Variants in FNDC3B observed in about 807,000 individuals in gnomAD.
The protein encoded by FNDC3B is fibronectin type III domain containing 3B.
FNDC3B carries 12 observed loss-of-function variants against 151.5 expected under a neutral mutation model. The ratio of observed to expected loss-of-function variants is 0.08; its 90% CI spans 0.05 to 0.13. FNDC3B has a LOEUF of 0.13. Ranked by LOEUF, FNDC3B falls within the 10% of genes least tolerant of loss-of-function variation. The pLI is 1.00. For synonymous variants in FNDC3B, 528 were observed against 549.0 expected (o/e 0.96, Z 0.54); for missense variants, 1,214 against 1,505.3 (o/e 0.81, Z 3.20).
At chr3:172,290,785 G>C (rs1218458788) in intron 7 of FNDC3B, among the ~76,000 whole-genome samples, 1 of 152,154 alleles carries the variant, frequency 6.6e-6, no homozygotes, top group Non-Finnish European at 1.5e-5. Context: ...GAAATTCTTA[G>C]ATTTCAGTAT....
At chr3:172,272,188 G>A (rs1209319784) in intron 6 of FNDC3B, among the ~76,000 whole-genome samples, 1 of 152,128 alleles carries the variant, frequency 6.6e-6, no homozygotes, top group African/African-American at 2.4e-5. Context: ...CTCATACTCT[G>A]TATAATAGCT....
intron 16 of FNDC3B, chr3:172,337,728 A>G: frequency 3.4e-6 from 1 of 294,336 alleles, no homozygotes; most frequent in Non-Finnish European, 6.5e-6. Flanking sequence ...TCTGTCACAC[A>G]GGCTGGAGGG....
At chr3:172,379,132 C>T (rs1316895900) in intron 24 of FNDC3B, among the ~76,000 whole-genome samples, 2 of 152,206 alleles carry the variant, frequency 1.3e-5, no homozygotes, top group African/African-American at 4.8e-5. Flanking sequence ...CTGCGGCTGA[C>T]TTGCAAGGCA....
intron 17 of FNDC3B, among the ~76,000 whole-genome samples, chr3:172,342,109 C>T (rs985916896): frequency 5.9e-5 from 9 of 152,234 alleles, no homozygotes; most frequent in Non-Finnish European, 8.8e-5. Context: ...CATTTGAAGG[C>T]CTAACTTTTC....
At chr3:172,290,207 C>T (rs986595006) in intron 7 of FNDC3B, among the ~76,000 whole-genome samples, 66 of 152,160 alleles carry the variant, frequency 4.3e-4, no homozygotes, top group African/African-American at 1.5e-3. Flanking sequence ...TATTTAGGTG[C>T]AGAACTTGTG....
At chr3:172,174,933 AC>A (rs1269639185) in intron 3 of FNDC3B, among the ~76,000 whole-genome samples, 1,283 of 18,336 alleles carry the variant, frequency 0.07, 40 homozygotes, top group Non-Finnish European at 0.082. Flanking sequence ...TCCCCCCGCC[AC>A]CCCCCCCCCC....
At chr3:172,064,147 A>G (rs539467881) in intron 1 of FNDC3B, among the ~76,000 whole-genome samples, 1 of 152,266 alleles carries the variant, frequency 6.6e-6, no homozygotes, top group South Asian at 2.1e-4. Context: ...CTCTTAAAAT[A>G]GATAGATAGA....
rs540294020 is a variant in FNDC3B at position 172,340,786 on chromosome 3, T to C, written c.1853-327T>C. Among the ~76,000 whole-genome samples, 3 of 152,166 alleles carry C rather than the reference T, an allele frequency of 2.0e-5. No individual in the cohort carries two copies. In the East Asian group the frequency reaches 5.8e-4, roughly 29 times the overall value. On this transcript the variant is annotated intron_variant, in intron 16 of 25. Coordinates refer to ENST00000415807, the MANE Select transcript of FNDC3B (RefSeq NM_022763.4). Reference sequence around the variant, plus strand: ...GCCTCCTCACACCAGGAGCATTTGATAGCTTGCCCACCCCTGTTCTGTGTC... The same window carrying C: ...GCCTCCTCACACCAGGAGCATTTGACAGCTTGCCCACCCCTGTTCTGTGTC...
chr3:172,375,755 T>C (rs1322018344), intron 23 of FNDC3B, among the ~76,000 whole-genome samples: 1 of 152,160 alleles, frequency 6.6e-6, no homozygotes, highest in Non-Finnish European at 1.5e-5. Context: ...CGCATGCTTA[T>C]TCTAGAAAAG....
intron 3 of FNDC3B, among the ~76,000 whole-genome samples, chr3:172,150,512 G>A (rs1473851162): frequency 1.3e-5 from 2 of 151,752 alleles, no homozygotes; most frequent in African/African-American, 4.8e-5. Flanking sequence ...CATCTATGGG[G>A]CATTACACAT....
chr3:172,238,631 T>C (rs7614432), intron 4 of FNDC3B, among the ~76,000 whole-genome samples: 23,257 of 152,160 alleles, frequency 0.15, 1,963 homozygotes, highest in African/African-American at 0.23. Context: ...TTGGCTAGGG[T>C]GGGTACAGAC....
At chr3:172,102,610 G>C (rs1719428512) in intron 1 of FNDC3B, among the ~76,000 whole-genome samples, 2 of 152,148 alleles carry the variant, frequency 1.3e-5, no homozygotes, top group Admixed American at 1.3e-4. Context: ...GCTTACATAG[G>C]AAAACCTTGA....
chr3:172,353,430 C>T (rs112062452), intron 22 of FNDC3B, among the ~76,000 whole-genome samples: 415 of 152,274 alleles, frequency 2.7e-3, no homozygotes, highest in African/African-American at 9.2e-3. Context: ...GAAATTGTGC[C>T]GACCTTAACA....
intron 6 of FNDC3B, among the ~76,000 whole-genome samples, chr3:172,273,874 A>C (rs1302025741): frequency 6.6e-6 from 1 of 152,210 alleles, no homozygotes; most frequent in African/African-American, 2.4e-5. Context: ...AGAAAACAAC[A>C]CAGGGATATT....
intron 20 of FNDC3B, 128 bp from the exon 21 acceptor site, chr3:172,347,084 T>C (rs1560092516): frequency 2.5e-6 from 2 of 811,568 alleles, no homozygotes; most frequent in Non-Finnish European, 3.8e-6. Flanking sequence ...ATCGTGCCTT[T>C]CTTTTATATG....
chr3:172,381,146 C>T, intron 25 of FNDC3B, 53 bp downstream of exon 25: 1 of 1,599,770 alleles, frequency 6.3e-7, no homozygotes, highest in African/African-American at 1.3e-5. Flanking sequence ...TGGCTCCATG[C>T]CTCTGCTTAT....
At chr3:172,296,924 A>G (rs1730644859) in intron 8 of FNDC3B, among the ~76,000 whole-genome samples, 1 of 152,112 alleles carries the variant, frequency 6.6e-6, no homozygotes, top group East Asian at 1.9e-4. Flanking sequence ...TTCCTTGTGT[A>G]TACTGCGGGA....
chr3:172,392,798 C>CTTTTTTTTT (rs11450405), intron 25 of FNDC3B, among the ~76,000 whole-genome samples: 28 of 86,268 alleles, frequency 3.2e-4, no homozygotes, highest in East Asian at 1.1e-3. Context: ...TGAATTTTTT[C>CTTTTTTTTT]TTTTTTTTTT....
intron 1 of FNDC3B, among the ~76,000 whole-genome samples, chr3:172,044,296 T>TTG (rs1282668974): frequency 6.7e-6 from 1 of 148,668 alleles, no homozygotes; most frequent in African/African-American, 2.6e-5. Flanking sequence ...TTTTTTTTTT[T>TTG]TTTTTTGGTG....
Sources: allele counts gnomAD v4.1 joint callset (sites outside exome capture counted in the v4.1 genomes callset), GRCh38; gene constraint gnomAD v4.1.1; transcripts MANE v1.5; gene names NCBI Gene and HGNC (gene_info 2026-07-23, HGNC 2026-07-21).